The following RBM12B variants were observed in gnomAD, a reference collection of about 807,000 sequenced individuals.
The protein encoded by RBM12B is RNA-binding protein 12B.
RBM12B carries 10 observed loss-of-function variants against 34.3 expected under a neutral mutation model. The ratio of observed to expected loss-of-function variants is 0.29; its 90% CI spans 0.18 to 0.49. The LOEUF is 0.49. RBM12B is among the 20% of genes least tolerant of loss of function. The pLI, the probability that RBM12B is intolerant of heterozygous loss-of-function variation, is 0.99. For synonymous variants in RBM12B, 477 were observed against 437.1 expected (o/e 1.09, Z -1.14); for missense variants, 1,139 against 1,262.7 (o/e 0.90, Z 1.48).
chr8:93,737,807 C>CAAAAAAAAAAAAAAAA (rs78204688), intron 2 of RBM12B, among the ~76,000 whole-genome samples: 2 of 100,592 alleles, frequency 2.0e-5, no homozygotes, highest in African/African-American at 6.4e-5. Flanking sequence ...ACCCAAAGTT[C>CAAAAAAAAAAAAAAAA]AAAAAAAAAA....
At chr8:93,737,270 TG>T (rs1294185216) in intron 3 of RBM12B, 36 bp downstream of exon 3, 1 of 152,246 alleles carries the variant, frequency 6.6e-6, no homozygotes, top group East Asian at 1.9e-4. Flanking sequence ...ACATGTTTTT[TG>T]TTGAGCCTCA....
chr8:93,729,461 A>G lies in RBM12B; in HGVS notation c.*3944T>C, dbSNP rs1282710407. ...TGGTTGTACTTCGGGGGAAAACAAC[A>G]GAGTTATTATTTTGCTGCTTACTAA... On this transcript the variant is annotated 3_prime_UTR_variant, in exon 4 of 4. Transcript: ENST00000520560. 1 of 152,276 alleles carries G rather than the reference A, an allele frequency of 6.6e-6. No individual in the cohort carries two copies. The highest frequency in any genetic ancestry group is 6.5e-5 in the Admixed American group (1 of 15,298). 9.4% of individuals were successfully genotyped at this position (152,276 alleles called of 1,614,324 possible). A position where few individuals can be genotyped will look rare whatever the true frequency, so the allele number is the denominator to read the frequency against.
At position 93,736,104 on chromosome 8, in the gene RBM12B, C is replaced by A. The variant is rs990728066; in HGVS notation, c.307G>T (p.Val103Phe). The A allele has an allele frequency of 6.2e-7, 1 of 1,614,004 alleles. No homozygotes were observed. Among genetic ancestry groups the A allele is most frequent in the African/African-American group, 1.3e-5 (1 of 74,896 alleles). The stretch of plus-strand genomic sequence containing the variant: ...TCAATAAAATTAGACAGGCTGTCAA[C>A]CCCTGATGTCCCAGATCCTGGACGC... ...RGRPGSGTSGVDSLSNFIESV... is the reference protein window; with the variant it reads ...RGRPGSGTSGFDSLSNFIESV... The change falls in exon 4 of 4, where the codon GTT becomes TTT. Residue 103 changes from valine to phenylalanine, a missense_variant. Val to Phe is a conservative substitution (Grantham distance 50). Transcript: ENST00000520560.
chr8:93,740,034 T>C (rs1444314741), intron 2 of RBM12B: 8 of 299,514 alleles, frequency 2.7e-5, no homozygotes, highest in African/African-American at 1.8e-4. Flanking sequence ...GAGAGAATTT[T>C]TTTTAACTCT....
rs1422190784 is a variant in RBM12B at position 93,734,362 on chromosome 8, A to G, written c.2049T>C (p.Phe683=). ...TCCATTCTCCCTGAAGAGGCCGCCT[A>G]AAGTCCTCCTCTGGGGGCCGTCTCC... The part of the protein sequence containing the change: ...EDWRRPPEED[F]RRPLQGEWRR... Residue 683 remains phenylalanine, a synonymous_variant, in exon 4 of 4, where the codon TTT becomes TTC. Transcript: ENST00000520560. 6.9e-6 allele frequency: 11 copies of G among 1,600,148 alleles called. No homozygotes were observed. The highest frequency in any genetic ancestry group is 5.1e-5 in the Admixed American group (3 of 58,714).
In RBM12B at chr8:93,735,391, A is replaced by G. The variant is rs1372189916; in HGVS notation, c.1020T>C (p.Ala340=). 1 of 1,613,608 alleles carries G rather than the reference A, an allele frequency of 6.2e-7. No individual in the cohort carries two copies. The highest frequency in any genetic ancestry group is 8.5e-7 in the Non-Finnish European group (1 of 1,179,722). The change falls in exon 4 of 4, where the codon GCT becomes GCC. Residue 340 remains alanine (A), a synonymous_variant. Coordinates refer to ENST00000520560, the MANE Select transcript of RBM12B (RefSeq NM_001377960.1). ...MFKTLKDYNT[A]LSLHKTVLQY... The stretch of plus-strand genomic sequence containing the variant: ...GTAAAACAGTCTTATGTAAACTCAG[A>G]GCGGTATTATAGTCTTTCAGAGTCT...
In RBM12B at chr8:93,734,622, G is replaced by A. The variant is rs140808276; in HGVS notation, c.1789C>T (p.Arg597Cys). The change falls in exon 4 of 4, where the codon CGC becomes TGC. Residue 597 changes from arginine (R) to cysteine (C), a missense_variant. By Grantham distance (180) the Arg-to-Cys change is radical. Around this residue, in one of 3 missense-constraint regions of RBM12B, gnomAD observed 863 missense variants for 869.5 expected, o/e 0.99. Coordinates refer to ENST00000520560, the MANE Select transcript of RBM12B (RefSeq NM_001377960.1). ...FRRPSEEDFR[R>C]PWEEDFRRPP... The stretch of plus-strand genomic sequence containing the variant: ...CGCCTGAAATCTTCCTCCCAAGGGC[G>A]CCTGAAGTCCTCCTCAGAAGGCCGC... 2.4e-3 allele frequency: 3,916 copies of A among 1,613,386 alleles called. 10 individuals carry two copies. The highest frequency in any genetic ancestry group is 3.1e-3 in the Non-Finnish European group (3,667 of 1,179,724).
rs1264600449 is a variant in RBM12B, at chr8:93,733,997, T to TGCCTGAAATCTTCCTCTCGGGAGC, written c.2390_2413dup (p.Arg797_Arg804dup). The stretch of plus-strand genomic sequence containing the variant: ...GCCCCTGAAGTCTTCATCTGGTGGG[T>TGCCTGAAATCTTCCTCTCGGGAGC]GCCTGAAATCTTCCTCTCGGGAGCG... On this transcript the variant is annotated inframe_insertion, in exon 4 of 4. Coordinates refer to ENST00000520560, the MANE Select transcript of RBM12B (RefSeq NM_001377960.1). The TGCCTGAAATCTTCCTCTCGGGAGC allele has an allele frequency of 6.2e-7, 1 of 1,611,900 alleles. No homozygotes were observed. The highest frequency in any genetic ancestry group is 8.5e-7 in the Non-Finnish European group (1 of 1,179,412).
intron 2 of RBM12B, among the ~76,000 whole-genome samples, chr8:93,738,139 A>G (rs181092864): frequency 1.6e-4 from 24 of 152,318 alleles, no homozygotes; most frequent in African/African-American, 5.5e-4. Flanking sequence ...CAATATCCCT[A>G]AAGTTAAAAA....
chr8:93,729,574 C>G lies in RBM12B; in HGVS notation c.*3831G>C, dbSNP rs915039373. On this transcript the variant is annotated 3_prime_UTR_variant, in exon 4 of 4. Coordinates refer to ENST00000520560, the MANE Select transcript of RBM12B (RefSeq NM_001377960.1). ...ATTCTGGAATAAAACATACATTCTG[C>G]CTACCTCAAAGAAATATTCTAAGAA... 2 of 152,118 alleles carry G rather than the reference C, an allele frequency of 1.3e-5. No homozygotes were observed. Among genetic ancestry groups the G allele is most frequent in the Non-Finnish European group, 2.9e-5 (2 of 67,998 alleles). 9.4% of individuals were successfully genotyped at this position (152,118 alleles called of 1,614,324 possible). A position where few individuals can be genotyped will look rare whatever the true frequency, so the allele number is the denominator to read the frequency against.
chr8:93,740,801 T>C (rs529786828), intron 1 of RBM12B, 80 bp downstream of exon 1: 40 of 335,142 alleles, frequency 1.2e-4, no homozygotes, highest in African/African-American at 8.2e-4. Context: ...CTTTCCCCGT[T>C]CTTCCGGCTT....
Position 93,734,092 on chromosome 8 carries a change from GCGCCTGAAATGCTCTGGGGGTGGC to G in RBM12B, c.2295_2318del (p.Pro776_Pro783del), listed in dbSNP as rs1391240970. ...GTCTCCGGAAGTGCTCCGGGGGCGG[GCGCCTGAAATGCTCTGGGGGTGGC>G]CGCCTGAAGTGCTCTGGGGGTGGCC... On this transcript the variant is annotated inframe_deletion, in exon 4 of 4. Coordinates refer to ENST00000520560, the MANE Select transcript of RBM12B (RefSeq NM_001377960.1). 7.7e-6 allele frequency: 12 copies of G among 1,560,652 alleles called. No homozygotes were observed. The highest frequency in any genetic ancestry group is 1.4e-5 in the African/African-American group (1 of 72,382).
chr8:93,733,145 G>T lies in RBM12B; in HGVS notation c.*260C>A. On this transcript the variant is annotated 3_prime_UTR_variant, in exon 4 of 4. Transcript: ENST00000520560. ...ACCGATGACATCAACAAAAATGAAT[G>T]AACTCAGGGAATGAGTTCTTTCTCC... 1 of 246,724 alleles carries T rather than the reference G, an allele frequency of 4.1e-6. No homozygotes were observed. Among genetic ancestry groups the T allele is most frequent in the Non-Finnish European group, 7.6e-6 (1 of 131,230 alleles). 15.3% of individuals were successfully genotyped at this position (246,724 alleles called of 1,614,324 possible).
At chr8:93,738,456 A>G (rs577709383) in intron 2 of RBM12B, among the ~76,000 whole-genome samples, 138 of 152,316 alleles carry the variant, frequency 9.1e-4, no homozygotes, top group Non-Finnish European at 1.7e-3. Flanking sequence ...TATAATTTAC[A>G]CTCACTTTCT....
At position 93,733,503 on chromosome 8, in the gene RBM12B, T is replaced by A; in HGVS notation, c.2908A>T (p.Ile970Phe). The change falls in exon 4 of 4, where the codon ATT becomes TTT. Residue 970 changes from isoleucine (I) to phenylalanine (F), a missense_variant. By Grantham distance (21) the Ile-to-Phe change is conservative (BLOSUM62 0). Around this residue, in one of 3 missense-constraint regions of RBM12B, gnomAD observed 60 missense variants for 101.0 expected, o/e 0.59. Transcript: ENST00000520560. The stretch of plus-strand genomic sequence containing the variant: ...TCATTATAGTTTATCATAGCAACAA[T>A]GGCTTCCCCTGTAGGTAAGCCTTGC... Reference protein sequence around the residue: ...NEQGLPTGEAIVAMINYNEAM... With the variant: ...NEQGLPTGEAFVAMINYNEAM... The A allele has an allele frequency of 1.9e-6, 3 of 1,609,674 alleles. No individual in the cohort carries two copies. Among genetic ancestry groups the A allele is most frequent in the Non-Finnish European group, 2.5e-6 (3 of 1,176,956 alleles).
rs1224605015 is a variant in RBM12B at position 93,733,752 on chromosome 8, T to G, written c.2659A>C (p.Asn887His). 6.2e-7 allele frequency: 1 copy of G among 1,614,020 alleles called. No individual in the cohort carries two copies. The highest frequency in any genetic ancestry group is 8.5e-7 in the Non-Finnish European group (1 of 1,180,026). Residue 887 changes from asparagine to histidine, a missense_variant, in exon 4 of 4, where the codon AAT becomes CAT. By Grantham distance (68) the Asn-to-His change is moderately conservative. This residue lies in a region of RBM12B where 863 missense variants were observed against 869.5 expected (regional missense o/e 0.99). Coordinates refer to ENST00000520560, the MANE Select transcript of RBM12B (RefSeq NM_001377960.1). ...TTGCCACCTTCTGGGCGACCAAAATTCACAAAAGGGCGGTGACTTCTAAAA... is the reference window on the plus strand; with the variant it reads ...TTGCCACCTTCTGGGCGACCAAAATGCACAAAAGGGCGGTGACTTCTAAAA... ...DDFRSHRPFV[N>H]FGRPEGGKFD...
At chr8:93,740,566 C>G (rs544898134) in intron 2 of RBM12B, 63 bp downstream of exon 2, 7 of 455,174 alleles carry the variant, frequency 1.5e-5, no homozygotes, top group Non-Finnish European at 3.1e-5. Flanking sequence ...GCCTAACGAG[C>G]TGGGCCTGCA....
Position 93,733,599 on chromosome 8 carries a change from C to T in RBM12B, c.2812G>A (p.Val938Met), listed in dbSNP as rs1180305566. ...TGGAAAAAGTCTAAAATTTCATTCACATTAGCTTTAAATGGAAGATTCATT... is the reference window on the plus strand; with the variant it reads ...TGGAAAAAGTCTAAAATTTCATTCATATTAGCTTTAAATGGAAGATTCATT... Reference protein sequence around the residue: ...KIMNLPFKANVNEILDFFHGY... With the variant: ...KIMNLPFKANMNEILDFFHGY... The change falls in exon 4 of 4, where the codon GTG becomes ATG. Residue 938 changes from valine to methionine, a missense_variant. Physicochemically the swap from Val to Met is conservative, Grantham distance 21. This residue lies in a region of RBM12B where 60 missense variants were observed against 101.0 expected (regional missense o/e 0.59). Transcript: ENST00000520560. 2 of 1,613,608 alleles carry T rather than the reference C, an allele frequency of 1.2e-6. No homozygotes were observed. Among genetic ancestry groups the T allele is most frequent in the Non-Finnish European group, 1.7e-6 (2 of 1,179,738 alleles).
rs569301853 is a variant in RBM12B at position 93,728,300 on chromosome 8, T to C, written c.*5105A>G. 39 of 1,537,882 alleles carry C rather than the reference T, an allele frequency of 2.5e-5. No individual in the cohort carries two copies. Among genetic ancestry groups the C allele is most frequent in the Non-Finnish European group, 3.3e-5 (37 of 1,130,892 alleles). ...AAGAAGAAAATTTTCTTAAGTAAAC[T>C]ACACATTTCCATTTTCATCATAAAT... is the stretch of plus-strand genomic sequence containing the variant. On this transcript the variant is annotated 3_prime_UTR_variant, in exon 4 of 4. Coordinates refer to ENST00000520560, the MANE Select transcript of RBM12B (RefSeq NM_001377960.1).
Sources: gnomAD v4.1 joint callset for allele counts (sites outside exome capture counted in the v4.1 genomes callset) on GRCh38, gnomAD v4.1.1 for gene constraint, gnomAD v4.1.1 regional missense constraint, MANE v1.5 for transcripts, NCBI Gene and HGNC (gene_info 2026-07-23, HGNC 2026-07-21) for gene names.